Variants in CAB39 observed in about 807,000 individuals in gnomAD.
CAB39 encodes the protein calcium-binding protein 39.
A neutral mutation model predicts 40.0 loss-of-function variants in CAB39; 8 were observed. The ratio of observed to expected loss-of-function variants is 0.20; its 90% CI spans 0.12 to 0.36. The LOEUF (loss-of-function observed/expected upper bound fraction) is 0.36, where lower values mean the gene tolerates loss of function less well. Ranked by LOEUF, CAB39 falls within the 10% of genes least tolerant of loss-of-function variation. The pLI is 1.00. For missense variants in CAB39, 270 were observed against 401.1 expected, an observed-to-expected ratio of 0.67 and a Z score of 2.79; for synonymous variants, 156 against 141.6, an observed-to-expected ratio of 1.10 and a Z score of -0.72.
At chr2:230,769,647 G>A (rs1269302334) in intron 2 of CAB39, among the ~76,000 whole-genome samples, 6 of 152,040 alleles carry the variant, frequency 3.9e-5, no homozygotes, top group African/African-American at 4.8e-5. Context: ...ACTAAATATC[G>A]TACTTCTAGA....
chr2:230,817,689 T>C (rs569431617), intron 7 of CAB39, 65 bp from the exon 8 acceptor site: 1 of 1,303,876 alleles, frequency 7.7e-7, no homozygotes, highest in Non-Finnish European at 1.1e-6. Context: ...AAATAAATTG[T>C]TTTTTTAAAC....
At chr2:230,802,845 AC>A (rs1404479983) in intron 5 of CAB39, among the ~76,000 whole-genome samples, 2 of 152,230 alleles carry the variant, frequency 1.3e-5, no homozygotes, top group African/African-American at 2.4e-5. Context: ...AGAAGCTGGT[AC>A]CATTCCTTCT....
intron 2 of CAB39, among the ~76,000 whole-genome samples, chr2:230,779,694 A>G (rs1050179439): frequency 6.6e-6 from 1 of 152,222 alleles, no homozygotes; most frequent in African/African-American, 2.4e-5. Flanking sequence ...AATTGCCATC[A>G]TAAGCGCTTT....
rs766770053 is a variant in CAB39 at position 230,759,987 on chromosome 2, CCTGCCG to C, written c.-8_-3del. On this transcript the variant is annotated 5_prime_UTR_variant, in exon 2 of 9. Coordinates refer to ENST00000258418, the MANE Select transcript of CAB39 (RefSeq NM_016289.4). ...GCACAGGCGGAGTGCAGCGGAGGCC[CCTGCCG>C]CTGCCGTCATGCCGTTCCCGTTTGG... 6.6e-7 allele frequency: 1 copy of C among 1,504,044 alleles called. No individual in the cohort carries two copies. Among genetic ancestry groups the C allele is most frequent in the South Asian group, 1.1e-5 (1 of 88,694 alleles). 93.2% of individuals were successfully genotyped at this position (1,504,044 alleles called of 1,614,324 possible).
chr2:230,791,046 C>T lies in CAB39; in HGVS notation c.279+10C>T, dbSNP rs373490764. On this transcript the variant is annotated intron_variant, in intron 3 of 8. Coordinates refer to ENST00000258418, the MANE Select transcript of CAB39 (RefSeq NM_016289.4). ...GCTCATTGACTTTGAGGTAAGAAAT[C>T]AATTTCTTATTTTTAAAAAACAGTA... The T allele has an allele frequency of 4.2e-5, 65 of 1,559,688 alleles. No individual in the cohort carries two copies. The African/African-American group carries it at 8.0e-4, about 19-fold the overall frequency.
intron 5 of CAB39, among the ~76,000 whole-genome samples, chr2:230,800,416 G>T (rs763083661): frequency 2.8e-4 from 43 of 152,216 alleles, no homozygotes; most frequent in Non-Finnish European, 2.9e-5. Context: ...TGAGGACCCA[G>T]ATATTTGTAT....
At chr2:230,776,845 G>T (rs1042568914) in intron 2 of CAB39, among the ~76,000 whole-genome samples, 2 of 151,938 alleles carry the variant, frequency 1.3e-5, no homozygotes, top group African/African-American at 4.8e-5. Context: ...CGCCTGCCAC[G>T]CCCGGCTAAT....
intron 3 of CAB39, 50 bp from the exon 4 acceptor site, chr2:230,793,163 C>A: frequency 2.0e-6 from 2 of 1,013,410 alleles, no homozygotes; most frequent in African/African-American, 1.6e-5. Flanking sequence ...GGTGAATGAG[C>A]ATTTTGATGT....
intron 2 of CAB39, among the ~76,000 whole-genome samples, chr2:230,784,380 G>C (rs184044085): frequency 7.9e-5 from 12 of 152,282 alleles, no homozygotes; most frequent in Non-Finnish European, 1.6e-4. Context: ...GATAAGGCCT[G>C]GGAGAAAAGA....
intron 2 of CAB39, among the ~76,000 whole-genome samples, chr2:230,781,184 C>G (rs1467695222): frequency 1.3e-5 from 2 of 151,984 alleles, no homozygotes; most frequent in Non-Finnish European, 2.9e-5. Context: ...AGAAATACAT[C>G]AAGATGTAGT....
intron 5 of CAB39, among the ~76,000 whole-genome samples, chr2:230,807,465 A>G (rs549174918): frequency 7.9e-6 from 1 of 125,920 alleles, no homozygotes; most frequent in South Asian, 2.3e-4. Context: ...AAGGGTTTTC[A>G]TCCTGTTACG....
intron 1 of CAB39, among the ~76,000 whole-genome samples, chr2:230,744,134 C>A (rs1485268707): frequency 6.6e-6 from 1 of 151,844 alleles, no homozygotes; most frequent in Non-Finnish European, 1.5e-5. Context: ...GGCCAGGCTG[C>A]TCTGGAACTC....
intron 1 of CAB39, among the ~76,000 whole-genome samples, chr2:230,720,927 G>A (rs775468969): frequency 2.0e-5 from 3 of 152,140 alleles, no homozygotes; most frequent in Non-Finnish European, 4.4e-5. Flanking sequence ...TTACAGTATG[G>A]TTTCATCGCT....
intron 2 of CAB39, among the ~76,000 whole-genome samples, chr2:230,763,458 G>A (rs981479026): frequency 6.6e-6 from 1 of 152,110 alleles, no homozygotes; most frequent in African/African-American, 2.4e-5. Context: ...CAGGCACGGT[G>A]GCACACGCCT....
intron 1 of CAB39, among the ~76,000 whole-genome samples, chr2:230,726,999 T>C (rs1371114191): frequency 6.6e-6 from 1 of 151,138 alleles, no homozygotes; most frequent in Non-Finnish European, 1.5e-5. Flanking sequence ...TTGTTATCAT[T>C]GAGAAGAGGA....
chr2:230,779,737 G>A (rs1221885569), intron 2 of CAB39, among the ~76,000 whole-genome samples: 2 of 152,160 alleles, frequency 1.3e-5, no homozygotes, highest in Non-Finnish European at 2.9e-5. Flanking sequence ...GGAGATGAGA[G>A]GTATGTGTGA....
At chr2:230,778,850 G>A (rs554033943) in intron 2 of CAB39, among the ~76,000 whole-genome samples, 1 of 152,144 alleles carries the variant, frequency 6.6e-6, no homozygotes, top group East Asian at 1.9e-4. Context: ...GGAACACAAT[G>A]GCAAGTATTT....
At chr2:230,736,819 A>G (rs1193773659) in intron 1 of CAB39, among the ~76,000 whole-genome samples, 1 of 152,142 alleles carries the variant, frequency 6.6e-6, no homozygotes, top group Non-Finnish European at 1.5e-5. Flanking sequence ...CGTAAAAGAC[A>G]TAGTATTAGG....
intron 7 of CAB39, among the ~76,000 whole-genome samples, chr2:230,814,447 T>C (rs980533858): frequency 4.6e-5 from 7 of 152,136 alleles, no homozygotes; most frequent in Admixed American, 1.3e-4. Flanking sequence ...GGCTGTGGCC[T>C]GGGTGGCACA....
Sources: gnomAD v4.1 joint callset for allele counts (sites outside exome capture counted in the v4.1 genomes callset) on GRCh38, gnomAD v4.1.1 for gene constraint, MANE v1.5 for transcripts, NCBI Gene and HGNC (gene_info 2026-07-23, HGNC 2026-07-21) for gene names.